The following ABTB3 variants were observed in gnomAD, a reference collection of about 807,000 sequenced individuals.
The protein encoded by ABTB3 is ankyrin repeat and BTB domain containing 3.
chr12:107,581,047 CGGGAGAT>C, the ABTB3 span: 2 of 1,548,636 alleles, frequency 1.3e-6, no homozygotes, highest in East Asian at 4.9e-5. Flanking sequence ...GCTGGGGAGT[CGGGAGAT>C]GGGGGGATCC....
At chr12:107,328,628 CTCT>C in the ABTB3 span, among the ~76,000 whole-genome samples, 1 of 152,092 alleles carries the variant, frequency 6.6e-6, no homozygotes, top group Non-Finnish European at 1.5e-5. Flanking sequence ...AATCTCCACA[CTCT>C]TCTTGTGAAA....
chr12:107,502,764 C>T, the ABTB3 span, among the ~76,000 whole-genome samples: 57 of 152,014 alleles, frequency 3.7e-4, 1 homozygote, highest in African/African-American at 9.9e-4. Flanking sequence ...GAAGTGTGCA[C>T]GCGAGGGATC....
the ABTB3 span, among the ~76,000 whole-genome samples, chr12:107,366,672 C>G: frequency 1.3e-5 from 2 of 152,148 alleles, no homozygotes; most frequent in African/African-American, 4.8e-5. Flanking sequence ...GGAGATTTAG[C>G]AAACATGGTT....
chr12:107,613,059 C>T, the ABTB3 span, among the ~76,000 whole-genome samples: 1 of 152,162 alleles, frequency 6.6e-6, no homozygotes, highest in Non-Finnish European at 1.5e-5. Context: ...ATCCTGAGGC[C>T]CCCAGCCCAA....
chr12:107,385,749 C>A, the ABTB3 span, among the ~76,000 whole-genome samples: 18 of 152,284 alleles, frequency 1.2e-4, 1 homozygote, highest in Middle Eastern at 0.01. Flanking sequence ...CGTGCACCCC[C>A]CCAAGCCCTG....
the ABTB3 span, among the ~76,000 whole-genome samples, chr12:107,431,589 A>G: frequency 1.3e-5 from 2 of 152,200 alleles, no homozygotes; most frequent in Non-Finnish European, 2.9e-5. Flanking sequence ...AGCCTGGCCA[A>G]CAAGAGCAAG....
At chr12:107,642,012 G>A in the ABTB3 span, 5 of 1,322,214 alleles carry the variant, frequency 3.8e-6, no homozygotes, top group Non-Finnish European at 5.5e-6. Flanking sequence ...TATTTCCATT[G>A]TCAGGAGAGC....
chr12:107,559,395 C>T, the ABTB3 span, among the ~76,000 whole-genome samples: 17 of 149,544 alleles, frequency 1.1e-4, no homozygotes, highest in African/African-American at 1.8e-4. Context: ...ACAACATTAG[C>T]GAATATTAGC....
the ABTB3 span, among the ~76,000 whole-genome samples, chr12:107,652,308 T>C: frequency 6.6e-6 from 1 of 152,372 alleles, no homozygotes; most frequent in Admixed American, 6.5e-5. Flanking sequence ...GATTCTGATG[T>C]GTGCTCAGGG....
chr12:107,375,154 C>T, the ABTB3 span, among the ~76,000 whole-genome samples: 3 of 152,276 alleles, frequency 2.0e-5, no homozygotes, highest in Admixed American at 1.3e-4. Flanking sequence ...CCGTGGCTCA[C>T]GTCTGTGATC....
the ABTB3 span, among the ~76,000 whole-genome samples, chr12:107,462,099 A>G: frequency 6.6e-6 from 1 of 152,152 alleles, no homozygotes; most frequent in Non-Finnish European, 1.5e-5. Context: ...TCAGTTTAGA[A>G]ATTCCTTAGT....
At chr12:107,422,343 C>A in the ABTB3 span, among the ~76,000 whole-genome samples, 96 of 152,218 alleles carry the variant, frequency 6.3e-4, no homozygotes, top group African/African-American at 2.2e-3. Context: ...ATCTGCAAGG[C>A]CTTACAGGCC....
At chr12:107,365,797 G>A in the ABTB3 span, among the ~76,000 whole-genome samples, 2 of 152,230 alleles carry the variant, frequency 1.3e-5, no homozygotes, top group East Asian at 3.8e-4. Context: ...CTGCTGCAGT[G>A]AGTGATGCCA....
the ABTB3 span, among the ~76,000 whole-genome samples, chr12:107,653,516 C>CAA: frequency 0.22 from 24,865 of 112,392 alleles, 2,821 homozygotes; most frequent in East Asian, 0.51. Context: ...GACTCTGTCT[C>CAA]AAAAAAAAAA....
At chr12:107,390,239 A>G in the ABTB3 span, among the ~76,000 whole-genome samples, 2 of 152,188 alleles carry the variant, frequency 1.3e-5, no homozygotes, top group Non-Finnish European at 2.9e-5. Flanking sequence ...TGTGCGGTTT[A>G]CCTATAGTGT....
At chr12:107,510,749 C>A in the ABTB3 span, among the ~76,000 whole-genome samples, 1 of 151,822 alleles carries the variant, frequency 6.6e-6, no homozygotes, top group Admixed American at 6.6e-5. Context: ...GGCAAAACCC[C>A]CTCTCTACAA....
the ABTB3 span, among the ~76,000 whole-genome samples, chr12:107,568,001 T>A: frequency 6.6e-6 from 1 of 152,214 alleles, no homozygotes. Flanking sequence ...AATGATGAAA[T>A]CACCTAACAG....
At chr12:107,528,497 T>C in the ABTB3 span, among the ~76,000 whole-genome samples, 2 of 152,178 alleles carry the variant, frequency 1.3e-5, no homozygotes, top group African/African-American at 4.8e-5. Flanking sequence ...GAAACATAGT[T>C]ATTAGTGGAT....
At chr12:107,520,826 C>T in the ABTB3 span, among the ~76,000 whole-genome samples, 1 of 152,196 alleles carries the variant, frequency 6.6e-6, no homozygotes, top group Non-Finnish European at 1.5e-5. Context: ...AGCTCTGAAG[C>T]TGGCACATTT....
Sources: allele counts gnomAD v4.1 joint callset (sites outside exome capture counted in the v4.1 genomes callset), GRCh38; gene constraint gnomAD v4.1.1; transcripts MANE v1.5; gene names NCBI Gene and HGNC (gene_info 2026-07-23, HGNC 2026-07-21).